C1orf21: variants seen among roughly 807,000 people sequenced by gnomAD.
C1orf21 encodes the protein chromosome 1 open reading frame 21.
C1orf21 carries 3 observed loss-of-function variants against 18.7 expected under a neutral mutation model. The ratio of observed to expected loss-of-function variants is 0.16; its 90% CI spans 0.07 to 0.42. The LOEUF (loss-of-function observed/expected upper bound fraction) is 0.42. Ranked by LOEUF, C1orf21 falls within the 10% of genes least tolerant of loss-of-function variation. C1orf21 has a pLI of 0.99. For synonymous variants in C1orf21, 41 were observed against 46.4 expected, an observed-to-expected ratio of 0.88 and a Z score of 0.47; for missense variants, 104 against 143.6, an observed-to-expected ratio of 0.72 and a Z score of 1.41.
intron 2 of C1orf21, among the ~76,000 whole-genome samples, chr1:184,483,123 G>A (rs138738920): frequency 6.6e-6 from 1 of 152,304 alleles, no homozygotes; most frequent in East Asian, 1.9e-4. Flanking sequence ...TCAGAGGTCA[G>A]ATCCACTTCA....
intron 2 of C1orf21, among the ~76,000 whole-genome samples, chr1:184,490,003 T>C (rs757352592): frequency 6.6e-6 from 1 of 152,218 alleles, no homozygotes; most frequent in African/African-American, 2.4e-5. Context: ...CAGAAGGCCT[T>C]TAGTTGTGTT....
chr1:184,424,746 C>T (rs1284769840), intron 1 of C1orf21, among the ~76,000 whole-genome samples: 1 of 152,132 alleles, frequency 6.6e-6, no homozygotes, highest in Admixed American at 6.5e-5. Context: ...TTCCAGTTCA[C>T]GGGCACACAG....
chr1:184,452,291 G>T (rs1273087147), intron 1 of C1orf21, among the ~76,000 whole-genome samples: 1 of 152,194 alleles, frequency 6.6e-6, no homozygotes, highest in Non-Finnish European at 1.5e-5. Flanking sequence ...AAAGAGTTTG[G>T]TTTCTAGAGT....
rs190115970 is a variant in C1orf21 at position 184,414,999 on chromosome 1, A to T, written c.-125+27631A>T. Among the ~76,000 whole-genome samples the T allele has an allele frequency of 2.6e-5, 4 of 152,304 alleles. No homozygotes were observed. In the East Asian group the frequency reaches 7.7e-4, roughly 29 times the overall value. ...AAGGTCAATACTTAATAAACAGTGCATTGGTTGTTGGATTGGCCACATGTG... is the reference window on the plus strand; with the variant it reads ...AAGGTCAATACTTAATAAACAGTGCTTTGGTTGTTGGATTGGCCACATGTG... On this transcript the variant is annotated intron_variant, in intron 1 of 5. Coordinates refer to ENST00000235307, the MANE Select transcript of C1orf21 (RefSeq NM_030806.4).
rs1008012370 is a variant in C1orf21 at position 184,628,242 on chromosome 1, C to T, written c.*8686C>T. The T allele has an allele frequency of 7.2e-5, 11 of 152,160 alleles. No individual in the cohort carries two copies. Among genetic ancestry groups the T allele is most frequent in the African/African-American group, 2.4e-4 (10 of 41,434 alleles). 9.4% of individuals were successfully genotyped at this position (152,160 alleles called of 1,614,324 possible). ...TACACATGCCTGTCAGCAAAAACTT[C>T]GTGAGATGCACTCTCTCTGTGTGTT... On this transcript the variant is annotated 3_prime_UTR_variant, in exon 6 of 6. Coordinates refer to ENST00000235307, the MANE Select transcript of C1orf21 (RefSeq NM_030806.4).
At chr1:184,592,255 A>G (rs1659449641) in intron 4 of C1orf21, 1 of 152,196 alleles carries the variant, frequency 6.6e-6, no homozygotes, top group Admixed American at 6.5e-5. Context: ...TAAAAAGAAA[A>G]GAAAAAAATT....
intron 5 of C1orf21, among the ~76,000 whole-genome samples, chr1:184,616,160 TG>T (rs1248526407): frequency 6.6e-6 from 1 of 152,248 alleles, no homozygotes. Flanking sequence ...ATATGGTTTA[TG>T]GCCATATCTT....
At chr1:184,607,094 G>A (rs1028037830) in intron 5 of C1orf21, among the ~76,000 whole-genome samples, 2 of 152,160 alleles carry the variant, frequency 1.3e-5, no homozygotes. Flanking sequence ...AGCATTCTTG[G>A]AGCAGACACT....
intron 1 of C1orf21, among the ~76,000 whole-genome samples, chr1:184,468,726 C>G (rs1377597727): frequency 2.7e-5 from 4 of 150,662 alleles, no homozygotes; most frequent in Non-Finnish European, 5.9e-5. Context: ...CAAGACTAGC[C>G]TGGCCAACAT....
At chr1:184,569,883 A>G (rs1197527103) in intron 3 of C1orf21, among the ~76,000 whole-genome samples, 3 of 152,212 alleles carry the variant, frequency 2.0e-5, no homozygotes, top group Admixed American at 2.0e-4. Context: ...GCATAGCCAT[A>G]TGTCCTAAGC....
At chr1:184,581,867 C>T (rs1166322832) in intron 3 of C1orf21, among the ~76,000 whole-genome samples, 2 of 152,168 alleles carry the variant, frequency 1.3e-5, no homozygotes. Flanking sequence ...AGATACATGG[C>T]TGTATTTTAA....
chr1:184,428,792 C>T (rs1305943170), intron 1 of C1orf21, among the ~76,000 whole-genome samples: 1 of 152,104 alleles, frequency 6.6e-6, no homozygotes, highest in Non-Finnish European at 1.5e-5. Flanking sequence ...TGGGCCCAGA[C>T]AGGGAAAGAA....
intron 5 of C1orf21, among the ~76,000 whole-genome samples, chr1:184,610,401 C>T (rs1033327402): frequency 7.9e-5 from 12 of 152,196 alleles, no homozygotes; most frequent in African/African-American, 2.4e-4. Flanking sequence ...GGCCTGCTCT[C>T]GGACATCAGT....
chr1:184,577,947 G>GTTTTTTTTTTTTTTTTTTTTTTTTT (rs201196718), intron 3 of C1orf21, among the ~76,000 whole-genome samples: 1 of 86,752 alleles, frequency 1.2e-5, no homozygotes, highest in African/African-American at 5.5e-5. Context: ...TTTTTGTTTT[G>GTTTTTTTTTTTTTTTTTTTTTTTTT]TTTTTGTTTT....
intron 1 of C1orf21, among the ~76,000 whole-genome samples, chr1:184,471,322 A>G (rs1657492803): frequency 6.6e-6 from 1 of 152,248 alleles, no homozygotes; most frequent in African/African-American, 2.4e-5. Context: ...CCAAAACATC[A>G]TTGGTAATCA....
In C1orf21 at chr1:184,598,422, A is replaced by G. The variant is rs1221526790; in HGVS notation, c.288A>G (p.Gln96=). ...TCAGCATGCACATCTCTGAAAGCCA[A>G]CAAGAATTCTTCAGAATGCTGGATG... The part of the protein sequence containing the change: ...PRANMHISES[Q]QEFFRMLDEK... The change falls in exon 5 of 6, where the codon CAA becomes CAG. Residue 96 remains glutamine (Q), a synonymous_variant. Transcript: ENST00000235307. 1.1e-5 allele frequency: 17 copies of G among 1,613,852 alleles called. No individual in the cohort carries two copies. The highest frequency in any genetic ancestry group is 1.3e-5 in the African/African-American group (1 of 74,924).
At chr1:184,415,589 A>G (rs1656437198) in intron 1 of C1orf21, among the ~76,000 whole-genome samples, 1 of 152,192 alleles carries the variant, frequency 6.6e-6, no homozygotes, top group African/African-American at 2.4e-5. Context: ...TCAATTTAGT[A>G]GATTTTGAAA....
At chr1:184,590,196 G>C (rs1659417936) in intron 3 of C1orf21, among the ~76,000 whole-genome samples, 1 of 152,142 alleles carries the variant, frequency 6.6e-6, no homozygotes, top group African/African-American at 2.4e-5. Flanking sequence ...CAGGCTAAAA[G>C]CCAAAGAAGT....
chr1:184,433,114 C>A (rs2101971677), intron 1 of C1orf21, among the ~76,000 whole-genome samples: 1 of 152,314 alleles, frequency 6.6e-6, no homozygotes, highest in Admixed American at 6.5e-5. Flanking sequence ...CTGCTGTGGC[C>A]ATCCCCTGTT....
Sources: gnomAD v4.1 joint callset for allele counts (sites outside exome capture counted in the v4.1 genomes callset) on GRCh38, gnomAD v4.1.1 for gene constraint, MANE v1.5 for transcripts, NCBI Gene and HGNC (gene_info 2026-07-23, HGNC 2026-07-21) for gene names.